The following BICC1 variants were observed in gnomAD, a reference collection of about 807,000 sequenced individuals.
BICC1 encodes the protein protein bicaudal C homolog 1.
Under a neutral mutation model 111.0 loss-of-function variants are expected in BICC1, and 43 were observed. That is an observed-to-expected ratio of 0.39 (90% CI 0.30 to 0.50). The LOEUF is 0.50. Ranked by LOEUF, BICC1 falls within the 20% of genes least tolerant of loss-of-function variation. The probability of loss-of-function intolerance (pLI) is 0.88; values close to 1 mark genes in which losing one functional copy is unlikely to be tolerated. For missense variants in BICC1, 1,091 were observed against 1,203.2 expected (o/e 0.91, Z 1.38); for synonymous variants, 467 against 434.4 (o/e 1.07, Z -0.93).
intron 3 of BICC1, among the ~76,000 whole-genome samples, chr10:58,709,958 G>T (rs1429891736): frequency 6.6e-6 from 1 of 152,164 alleles, no homozygotes; most frequent in Non-Finnish European, 1.5e-5. Flanking sequence ...CCTCCTGGTA[G>T]ACCTCCAGAC....
At chr10:58,560,514 C>T (rs1020496639) in intron 1 of BICC1, among the ~76,000 whole-genome samples, 6 of 151,548 alleles carry the variant, frequency 4.0e-5, no homozygotes, top group South Asian at 2.1e-4. Context: ...AACTGTATTT[C>T]GATTTCATTG....
chr10:58,544,002 A>G (rs1238955319), intron 1 of BICC1, among the ~76,000 whole-genome samples: 1 of 152,020 alleles, frequency 6.6e-6, no homozygotes, highest in Non-Finnish European at 1.5e-5. Flanking sequence ...GAAGAGTCAT[A>G]ACTGGTTACC....
intron 1 of BICC1, among the ~76,000 whole-genome samples, chr10:58,586,531 G>A (rs981867065): frequency 2.0e-5 from 3 of 150,376 alleles, no homozygotes; most frequent in Non-Finnish European, 4.4e-5. Context: ...AACCGGGGTT[G>A]GGGGCGGGGG....
chr10:58,726,625 A>G (rs1369514015), intron 3 of BICC1, among the ~76,000 whole-genome samples: 1 of 152,200 alleles, frequency 6.6e-6, no homozygotes, highest in Admixed American at 6.5e-5. Context: ...TTGCTATTAT[A>G]TGTCATGCAC....
At position 58,800,247 on chromosome 10, in the gene BICC1, G is replaced by T. The variant is rs145584701; in HGVS notation, c.1779G>T (p.Val593=). ...CCACTTCATCACTTGGAGAAAAAGT[G>T]CTGAGTGCAAATCACGGGGATCCGT... is the stretch of plus-strand genomic sequence containing the variant. The part of the protein sequence containing the change: ...AISTSSLGEK[V]LSANHGDPSI... The change falls in exon 13 of 21, where the codon GTG becomes GTT. Residue 593 remains valine, a synonymous_variant. Coordinates refer to ENST00000373886, the MANE Select transcript of BICC1 (RefSeq NM_001080512.3). 1 of 1,612,584 alleles carries T rather than the reference G, an allele frequency of 6.2e-7. No homozygotes were observed. The highest frequency in any genetic ancestry group is 8.5e-7 in the Non-Finnish European group (1 of 1,178,844).
At chr10:58,669,296 A>G (rs1399605776) in intron 2 of BICC1, among the ~76,000 whole-genome samples, 1 of 152,060 alleles carries the variant, frequency 6.6e-6, no homozygotes, top group African/African-American at 2.4e-5. Context: ...TGGATTTTGG[A>G]CACTTAACCT....
chr10:58,651,039 CT>C (rs1202317032), intron 2 of BICC1, among the ~76,000 whole-genome samples: 2 of 152,250 alleles, frequency 1.3e-5, no homozygotes, highest in East Asian at 3.9e-4. Context: ...CCACTCCCAG[CT>C]TACAAATTAC....
intron 1 of BICC1, among the ~76,000 whole-genome samples, chr10:58,519,678 ATTTC>A (rs1383893840): frequency 6.6e-6 from 1 of 152,090 alleles, no homozygotes; most frequent in East Asian, 1.9e-4. Flanking sequence ...GCTCCCTAGA[ATTTC>A]TTTCTTGGCA....
intron 20 of BICC1, among the ~76,000 whole-genome samples, chr10:58,821,869 A>ATACC (rs937364129): frequency 2.7e-4 from 41 of 152,192 alleles, no homozygotes; most frequent in African/African-American, 9.4e-4. Flanking sequence ...TCATGAAGGT[A>ATACC]GATTGGAATT....
rs116965712 is a variant in BICC1, at chr10:58,533,057, A to G, written c.190+19724A>G. Among the ~76,000 whole-genome samples the G allele has an allele frequency of 4.0e-3, 598 of 150,236 alleles. 32 individuals carry two copies. In the East Asian group the frequency reaches 0.11, roughly 28 times the overall value. On this transcript the variant is annotated intron_variant, in intron 1 of 20. Coordinates refer to ENST00000373886, the MANE Select transcript of BICC1 (RefSeq NM_001080512.3). Reference sequence around the variant, plus strand: ...AGAAAATAACATCTGCCTCCGTCCCAAAAAGAAAAATAAAAAAGAAAATAA... The same window carrying G: ...AGAAAATAACATCTGCCTCCGTCCCGAAAAGAAAAATAAAAAAGAAAATAA...
chr10:58,787,539 T>C (rs928504573), intron 5 of BICC1, among the ~76,000 whole-genome samples: 1 of 152,190 alleles, frequency 6.6e-6, no homozygotes, highest in African/African-American at 2.4e-5. Flanking sequence ...TACACATTTG[T>C]GCTTGTTCTT....
At chr10:58,611,983 T>C (rs1845440057) in intron 1 of BICC1, among the ~76,000 whole-genome samples, 1 of 152,170 alleles carries the variant, frequency 6.6e-6, no homozygotes, top group Non-Finnish European at 1.5e-5. Flanking sequence ...AACAGGCCTA[T>C]TTATTTAATT....
At chr10:58,670,397 C>A (rs1839148147) in intron 2 of BICC1, among the ~76,000 whole-genome samples, 1 of 152,082 alleles carries the variant, frequency 6.6e-6, no homozygotes, top group African/African-American at 2.4e-5. Context: ...ACGATATAGA[C>A]CATTATTATC....
At chr10:58,607,869 A>T (rs1268728482) in intron 1 of BICC1, among the ~76,000 whole-genome samples, 2 of 152,086 alleles carry the variant, frequency 1.3e-5, no homozygotes, top group African/African-American at 4.8e-5. Flanking sequence ...TGTGCACCTG[A>T]ATTGGAATAT....
chr10:58,745,612 C>T (rs1413198396), intron 3 of BICC1, among the ~76,000 whole-genome samples: 1 of 133,828 alleles, frequency 7.5e-6, no homozygotes, highest in Non-Finnish European at 1.6e-5. Flanking sequence ...GCCCCCCCCC[C>T]ACATTTTTTT....
chr10:58,696,307 T>G (rs1840063156), intron 2 of BICC1, among the ~76,000 whole-genome samples: 1 of 151,980 alleles, frequency 6.6e-6, no homozygotes, highest in African/African-American at 2.4e-5. Context: ...AGATTTTTCA[T>G]GATGAAAAAA....
chr10:58,753,189 G>A lies in BICC1; in HGVS notation c.308-31812G>A, dbSNP rs541539772. Among the ~76,000 whole-genome samples, 3 of 152,138 alleles carry A rather than the reference G, an allele frequency of 2.0e-5. No homozygotes were observed. In the East Asian group the frequency reaches 5.8e-4, roughly 29 times the overall value. On this transcript the variant is annotated intron_variant, in intron 3 of 20. Coordinates refer to ENST00000373886, the MANE Select transcript of BICC1 (RefSeq NM_001080512.3). ...TTGTTGTTGTTGTTGTTGAGATAGG[G>A]CATCCCTTTGTCACCCAGGCTGGAG...
At chr10:58,763,054 T>A (rs9415582) in intron 3 of BICC1, among the ~76,000 whole-genome samples, 7 of 135,444 alleles carry the variant, frequency 5.2e-5, no homozygotes, top group Admixed American at 7.3e-5. Context: ...GGGGGAAATA[T>A]AGGAAAAAAA....
chr10:58,513,234 T>C lies in BICC1; in HGVS notation c.91T>C (p.Ser31Pro), dbSNP rs753185111. 1 of 1,612,742 alleles carries C rather than the reference T, an allele frequency of 6.2e-7. No homozygotes were observed. The highest frequency in any genetic ancestry group is 8.5e-7 in the Non-Finnish European group (1 of 1,179,596). The change falls in exon 1 of 21, where the codon TCC becomes CCC. Residue 31 changes from serine (S) to proline (P), a missense_variant. Ser to Pro is a moderately conservative substitution (Grantham distance 74, BLOSUM62 -1). Transcript: ENST00000373886. ...ERSTDSPVPG[S>P]EDDLVAGATL... ...CAGCACCGACTCCCCAGTGCCCGGC[T>C]CCGAGGACGACTTGGTCGCCGGGGC...
Sources: allele counts gnomAD v4.1 joint callset (sites outside exome capture counted in the v4.1 genomes callset), GRCh38; gene constraint gnomAD v4.1.1; transcripts MANE v1.5; gene names NCBI Gene and HGNC (gene_info 2026-07-23, HGNC 2026-07-21).